PCDHGA2: variants seen among roughly 807,000 people sequenced by gnomAD.
PCDHGA2 encodes protocadherin gamma-A2.
In PCDHGA2, 40 loss-of-function variants were observed where a neutral mutation model predicts 59.2. The observed-to-expected ratio is 0.68, with a 90% CI of 0.52 to 0.88. PCDHGA2 has a LOEUF of 0.88. PCDHGA2 is among the 40% of genes least tolerant of loss of function. The pLI, the probability that PCDHGA2 is intolerant of heterozygous loss-of-function variation, is 0.00. For missense variants in PCDHGA2, 1,226 were observed against 1,204.0 expected, an observed-to-expected ratio of 1.02 and a Z score of -0.27; for synonymous variants, 560 against 526.0, an observed-to-expected ratio of 1.06 and a Z score of -0.89.
At chr5:141,365,968 G>A (rs1764235643) in intron 1 of PCDHGA2, 10 of 1,614,258 alleles carry the variant, frequency 6.2e-6, no homozygotes, top group African/African-American at 1.3e-5. Context: ...GCAGCAACGT[G>A]TCGCTGAGCC....
Position 141,386,707 on chromosome 5 carries a change from T to C in PCDHGA2, c.2424+45312T>C, listed in dbSNP as rs577728957. Among the ~76,000 whole-genome samples, 44 of 152,320 alleles carry C rather than the reference T, an allele frequency of 2.9e-4. No homozygotes were observed. The South Asian group carries it at 9.1e-3, about 32-fold the overall frequency. On this transcript the variant is annotated intron_variant, in intron 1 of 3. Transcript: ENST00000394576. ...AATCACTTGGGGTAGAAGACAATGT[T>C]GCTGACACCAACAATGTTACTGAGG... is the stretch of plus-strand genomic sequence containing the variant.
intron 1 of PCDHGA2, chr5:141,365,282 G>A: frequency 6.2e-7 from 1 of 1,613,998 alleles, no homozygotes; most frequent in South Asian, 1.1e-5. Context: ...CTACCTCATG[G>A]AAGTGGTAGC....
chr5:141,443,243 C>T (rs755331096), intron 1 of PCDHGA2, among the ~76,000 whole-genome samples: 9 of 151,618 alleles, frequency 5.9e-5, no homozygotes, highest in Non-Finnish European at 1.0e-4. Flanking sequence ...CACTTTGGGG[C>T]GCCAAGGCGG....
chr5:141,344,422 C>T (rs771729172), intron 1 of PCDHGA2: 52 of 1,612,410 alleles, frequency 3.2e-5, no homozygotes, highest in Non-Finnish European at 4.3e-5. Context: ...AATGATAATG[C>T]TCCTAATTTC....
intron 1 of PCDHGA2, chr5:141,352,382 G>A: frequency 6.2e-7 from 1 of 1,614,026 alleles, no homozygotes; most frequent in South Asian, 1.1e-5. Flanking sequence ...TCTAGCGATC[G>A]CCCTGCGCCT....
At chr5:141,422,127 A>G (rs779974245) in intron 1 of PCDHGA2, 1 of 1,600,944 alleles carries the variant, frequency 6.2e-7, no homozygotes. Context: ...CACAAACTGG[A>G]GAAGTTCAAG....
rs201386958 is a variant in PCDHGA2 at position 141,413,172 on chromosome 5, T to G, written c.2424+71777T>G. 2.6e-4 allele frequency: 413 copies of G among 1,598,292 alleles called. 3 individuals carry two copies. In the East Asian group the frequency reaches 7.0e-3, roughly 27 times the overall value. ...ACTTTGCAGAATTCTGTAACCAGACTACAATGGCCGCTCAAAGGAATCGCT... is the reference window on the plus strand; with the variant it reads ...ACTTTGCAGAATTCTGTAACCAGACGACAATGGCCGCTCAAAGGAATCGCT... On this transcript the variant is annotated intron_variant, in intron 1 of 3. Coordinates refer to ENST00000394576, the MANE Select transcript of PCDHGA2 (RefSeq NM_018915.4).
intron 1 of PCDHGA2, chr5:141,352,504 C>A: frequency 6.2e-7 from 1 of 1,614,056 alleles, no homozygotes; most frequent in Non-Finnish European, 8.5e-7. Flanking sequence ...CCTATTCCTA[C>A]AATCTATGTA....
At chr5:141,395,140 C>T in intron 1 of PCDHGA2, 1 of 1,614,212 alleles carries the variant, frequency 6.2e-7, no homozygotes, top group Non-Finnish European at 8.5e-7. Flanking sequence ...CCCAACTACG[C>T]AGACATGCTC....
intron 1 of PCDHGA2, chr5:141,419,197 T>C (rs560134083): frequency 1.2e-6 from 2 of 1,613,966 alleles, no homozygotes; most frequent in South Asian, 1.1e-5. Flanking sequence ...CTGACGTCAA[T>C]GACAACGCGC....
rs1561515319 is a variant in PCDHGA2 at position 141,357,584 on chromosome 5, A to C, written c.2424+16189A>C. On this transcript the variant is annotated intron_variant, in intron 1 of 3. Transcript: ENST00000394576. ...AAAAGCGAGCCTCTTCTGATAACTC[A>C]GGATTTACTTGAAACAAAAGGAGAC... The C allele has an allele frequency of 6.2e-7, 1 of 1,614,210 alleles. No individual in the cohort carries two copies. The highest frequency in any genetic ancestry group is 2.2e-5 in the East Asian group (1 of 44,886).
rs200724467 is a variant in PCDHGA2 at position 141,399,395 on chromosome 5, G to A, written c.2424+58000G>A. 5,303 of 1,613,964 alleles carry A rather than the reference G, an allele frequency of 3.3e-3. 153 individuals carry two copies. In the South Asian group the frequency reaches 0.047, roughly 14 times the overall value. ...AATGTCACCATCACAGCCACAGACA[G>A]GGGCAAGCCGCCCCTCTCCTCCAGC... On this transcript the variant is annotated intron_variant, in intron 1 of 3. Coordinates refer to ENST00000394576, the MANE Select transcript of PCDHGA2 (RefSeq NM_018915.4).
At chr5:141,360,835 G>A in intron 1 of PCDHGA2, 3 of 1,613,956 alleles carry the variant, frequency 1.9e-6, no homozygotes, top group Non-Finnish European at 2.5e-6. Context: ...CAAAGTCACG[G>A]ATGCCAACGA....
At chr5:141,482,667 G>C (rs2099569914) in intron 1 of PCDHGA2, among the ~76,000 whole-genome samples, 1 of 151,094 alleles carries the variant, frequency 6.6e-6, no homozygotes, top group Admixed American at 6.6e-5. Context: ...ATGATCTAAA[G>C]GTTGAGTAGT....
At position 141,489,760 on chromosome 5, in the gene PCDHGA2, C is replaced by A; in HGVS notation, c.2425-5047C>A. 1 of 1,614,086 alleles carries A rather than the reference C, an allele frequency of 6.2e-7. No individual in the cohort carries two copies. Among genetic ancestry groups the A allele is most frequent in the Non-Finnish European group, 8.5e-7 (1 of 1,179,970 alleles). On this transcript the variant is annotated intron_variant, in intron 1 of 3. Coordinates refer to ENST00000394576, the MANE Select transcript of PCDHGA2 (RefSeq NM_018915.4). This position sits in a 1 kb window ranked among gnomAD's most constrained non-coding sequence, Gnocchi z 4.5. ...TACTGTGAGCTTTTACACTCTAAGC[C>A]CCAACAGCCACTTCTCTCTGAATGT...
intron 1 of PCDHGA2, chr5:141,360,701 G>A (rs1316006767): frequency 6.2e-7 from 1 of 1,613,936 alleles, no homozygotes; most frequent in Admixed American, 1.7e-5. Flanking sequence ...CCAGATGGTC[G>A]TAAATATCCT....
intron 1 of PCDHGA2, among the ~76,000 whole-genome samples, chr5:141,407,290 G>A (rs1025830566): frequency 3.3e-5 from 5 of 152,154 alleles, no homozygotes; most frequent in African/African-American, 1.2e-4. Context: ...TACAATTTCT[G>A]TTCTGAGGAG....
intron 2 of PCDHGA2, among the ~76,000 whole-genome samples, chr5:141,502,725 G>A (rs1020846462): frequency 2.0e-5 from 3 of 152,150 alleles, no homozygotes; most frequent in Non-Finnish European, 4.4e-5. Context: ...ATTACAAAGC[G>A]GTGATGTTCT....
intron 1 of PCDHGA2, among the ~76,000 whole-genome samples, chr5:141,446,150 A>G (rs754792549): frequency 6.6e-6 from 1 of 152,216 alleles, no homozygotes; most frequent in Non-Finnish European, 1.5e-5. Flanking sequence ...GAATAGGTGG[A>G]ATATAAATTT....
Sources: gnomAD v4.1 joint callset for allele counts (sites outside exome capture counted in the v4.1 genomes callset) on GRCh38, gnomAD v4.1.1 for gene constraint, Gnocchi (gnomAD v3.1) non-coding constraint, MANE v1.5 for transcripts, NCBI Gene and HGNC (gene_info 2026-07-23, HGNC 2026-07-21) for gene names.